Variants in CCNL2 observed in about 807,000 individuals in gnomAD.
The protein encoded by CCNL2 is cyclin-L2.
A neutral mutation model predicts 59.1 loss-of-function variants in CCNL2; 28 were observed. The observed-to-expected ratio is 0.47, with a 90% CI of 0.35 to 0.65. The LOEUF is 0.65. CCNL2 is among the 30% of genes least tolerant of loss of function. The probability of loss-of-function intolerance (pLI) is 0.00; values close to 1 mark genes in which losing one functional copy is unlikely to be tolerated. For missense variants in CCNL2, 714 were observed against 717.4 expected (o/e 1.00, Z 0.05); for synonymous variants, 342 against 288.6 (o/e 1.19, Z -1.88).
chr1:1,392,432 A>G (rs1322164976), intron 5 of CCNL2: 9 of 1,158,064 alleles, frequency 7.8e-6, no homozygotes, highest in Admixed American at 4.4e-5. Flanking sequence ...AAATCATGAC[A>G]TAACCCCACA....
intron 4 of CCNL2, among the ~76,000 whole-genome samples, chr1:1,394,994 T>C (rs1569975055): frequency 6.6e-6 from 1 of 150,934 alleles, no homozygotes; most frequent in Admixed American, 6.6e-5. Flanking sequence ...GAGGTGGAGG[T>C]TGTGCCTCCA....
intron 5 of CCNL2, 35 bp downstream of exon 5, chr1:1,393,361 T>C: frequency 6.3e-7 from 1 of 1,594,506 alleles, no homozygotes; most frequent in South Asian, 1.1e-5. Flanking sequence ...TGCACTGCCC[T>C]TGCTGGTCTC....
intron 8 of CCNL2, 200 bp from the exon 9 acceptor site, chr1:1,388,265 G>A: frequency 1.7e-6 from 1 of 579,222 alleles, no homozygotes; most frequent in Admixed American, 3.0e-5. Flanking sequence ...GCTCACGCCT[G>A]TGAGCCCAGC....
At position 1,385,750 on chromosome 1, in the gene CCNL2, A is replaced by T. The variant is rs776420974; in HGVS notation, c.*1481T>A. 6.6e-6 allele frequency: 1 copy of T among 152,248 alleles called. No individual in the cohort carries two copies. Among genetic ancestry groups the T allele is most frequent in the Non-Finnish European group, 1.5e-5 (1 of 68,048 alleles). 9.4% of individuals were successfully genotyped at this position (152,248 alleles called of 1,614,324 possible). On this transcript the variant is annotated 3_prime_UTR_variant, in exon 11 of 11. Coordinates refer to ENST00000400809, the MANE Select transcript of CCNL2 (RefSeq NM_030937.6). The stretch of plus-strand genomic sequence containing the variant: ...TCTTTATGTCATAATAATATTTTAC[A>T]ATTATTTAGTAAAAAAAGAAAGCAA...
intron 3 of CCNL2, among the ~76,000 whole-genome samples, chr1:1,396,681 G>A (rs1047562945): frequency 1.4e-5 from 2 of 144,538 alleles, no homozygotes; most frequent in Non-Finnish European, 3.0e-5. Context: ...CCCGGTTCCA[G>A]CGATTCTCCT....
rs1354651881 is a variant in CCNL2, at chr1:1,387,450, C to T, written c.1344G>A (p.Lys448=). 6.2e-7 allele frequency: 1 copy of T among 1,613,344 alleles called. No homozygotes were observed. The highest frequency in any genetic ancestry group is 8.5e-7 in the Non-Finnish European group (1 of 1,179,932). ...YKGSEIRGSR[K]SKDCKYPQKP... is the part of the protein sequence containing the mutation. Reference sequence around the variant, plus strand: ...TCTGGGGGTACTTGCAGTCCTTGGACTTCCGGGAGCCCCGAATCTCAGAGC... The same window carrying T: ...TCTGGGGGTACTTGCAGTCCTTGGATTTCCGGGAGCCCCGAATCTCAGAGC... Residue 448 remains lysine (K), a synonymous_variant, in exon 11 of 11, where the codon AAG becomes AAA. Coordinates refer to ENST00000400809, the MANE Select transcript of CCNL2 (RefSeq NM_030937.6).
chr1:1,395,292 C>A, intron 4 of CCNL2, 102 bp downstream of exon 4: 2 of 1,345,242 alleles, frequency 1.5e-6, no homozygotes, highest in Admixed American at 2.2e-5. Context: ...CAGGGATGCA[C>A]TCAGTCCTCT....
chr1:1,398,763 G>A (rs745408868), intron 1 of CCNL2, 92 bp from the exon 2 acceptor site: 3 of 1,297,830 alleles, frequency 2.3e-6, no homozygotes, highest in Admixed American at 1.8e-5. Context: ...TCCCCACGCA[G>A]AACCAAACAC....
chr1:1,388,128 C>T (rs1213229954), intron 8 of CCNL2, 63 bp from the exon 9 acceptor site: 13 of 1,374,668 alleles, frequency 9.5e-6, no homozygotes, highest in Non-Finnish European at 1.1e-5. Flanking sequence ...GAAACAAGTT[C>T]GTAGAGCGAG....
intron 2 of CCNL2, 110 bp downstream of exon 2, chr1:1,398,487 G>C: frequency 1.3e-6 from 2 of 1,575,972 alleles, no homozygotes; most frequent in Non-Finnish European, 1.7e-6. Flanking sequence ...CTCCGGCACA[G>C]AGCTCAGACT....
At chr1:1,393,338 G>A in intron 5 of CCNL2, 58 bp downstream of exon 5, 1 of 1,488,214 alleles carries the variant, frequency 6.7e-7, no homozygotes, top group Non-Finnish European at 9.4e-7. Context: ...AGTGCCTCAA[G>A]TCAACACATT....
rs774554093 is a variant in CCNL2 at position 1,398,598 on chromosome 1, T to C, written c.362A>G (p.Glu121Gly). ...YTKSFVKHSM[E>G]HVSMACVHLA... is the part of the protein sequence containing the mutation. ...ATGAAGTGCAGGAGGAAGCCTTACCTCCATGGAGTGCTTCACGAAGGACTT... is the reference window on the plus strand; with the variant it reads ...ATGAAGTGCAGGAGGAAGCCTTACCCCCATGGAGTGCTTCACGAAGGACTT... Residue 121 changes from glutamate to glycine, a missense_variant and splice_region_variant, in exon 2 of 11, where the codon GAG becomes GGG. Physicochemically the swap from Glu to Gly is moderately conservative, Grantham distance 98. Transcript: ENST00000400809. The C allele has an allele frequency of 1.2e-6, 2 of 1,613,528 alleles. No homozygotes were observed. The highest frequency in any genetic ancestry group is 2.7e-5 in the African/African-American group (2 of 74,896).
chr1:1,389,856 G>A (rs1197813786), intron 8 of CCNL2, among the ~76,000 whole-genome samples: 1 of 152,084 alleles, frequency 6.6e-6, no homozygotes, highest in African/African-American at 2.4e-5. Flanking sequence ...CTACTCAGGA[G>A]GCTGAGGCAG....
Position 1,395,379 on chromosome 1 carries a change from G to C in CCNL2, c.594+15C>G. ...CGGCCTAGGCGGGCTCGCAGGGCAG[G>C]AGCCGCACACCCACCTTATGAGGAT... On this transcript the variant is annotated intron_variant, in intron 4 of 10. Transcript: ENST00000400809. The C allele has an allele frequency of 6.2e-7, 1 of 1,613,844 alleles. No individual in the cohort carries two copies. The highest frequency in any genetic ancestry group is 2.2e-5 in the East Asian group (1 of 44,884).
chr1:1,396,746 ATTT>A (rs1032549725), intron 3 of CCNL2, among the ~76,000 whole-genome samples: 1 of 139,636 alleles, frequency 7.2e-6, no homozygotes, highest in African/African-American at 2.7e-5. Flanking sequence ...CACCCGGCTA[ATTT>A]TTTTTTTATT....
chr1:1,388,564 T>G, intron 8 of CCNL2: 1 of 331,002 alleles, frequency 3.0e-6, no homozygotes, highest in Non-Finnish European at 6.1e-6. Context: ...TGTGAGTGTG[T>G]GTCTCTCTCT....
intron 5 of CCNL2, chr1:1,392,626 C>T: frequency 6.9e-7 from 1 of 1,459,610 alleles, no homozygotes. Context: ...ACAAGAAGCA[C>T]AATCGTCAGA....
Position 1,399,136 on chromosome 1 carries a change from G to T in CCNL2, c.171C>A (p.Asp57Glu). 6.2e-7 allele frequency: 1 copy of T among 1,612,372 alleles called. No homozygotes were observed. ...ACATGGACGGCGTGAAACGGAGCTT[G>T]TCGTCAGGCAGGAGGCAGTTCTCCA... The part of the protein sequence containing the change: ...ITLENCLLPD[D>E]KLRFTPSMSS... The change falls in exon 1 of 11, where the codon GAC becomes GAA. Residue 57 changes from aspartate (D) to glutamate (E), a missense_variant. By Grantham distance (45) the Asp-to-Glu change is conservative (BLOSUM62 2). This residue lies in a region of CCNL2 where 270 missense variants were observed against 254.9 expected (regional missense o/e 1.06). Transcript: ENST00000400809.
chr1:1,391,110 G>A (rs1644740300), intron 5 of CCNL2: 1 of 1,235,530 alleles, frequency 8.1e-7, no homozygotes, highest in Non-Finnish European at 1.0e-6. Context: ...AAAGCTGGCT[G>A]AATGTCAGAC....
Sources: gnomAD v4.1 joint callset for allele counts (sites outside exome capture counted in the v4.1 genomes callset) on GRCh38, gnomAD v4.1.1 for gene constraint, gnomAD v4.1.1 regional missense constraint, MANE v1.5 for transcripts, NCBI Gene and HGNC (gene_info 2026-07-23, HGNC 2026-07-21) for gene names.